CCDC136: variants seen among roughly 807,000 people sequenced by gnomAD.
The protein encoded by CCDC136 is coiled-coil domain containing 136.
CCDC136 carries 100 observed loss-of-function variants against 141.2 expected under a neutral mutation model. The observed-to-expected ratio is 0.71, with a 90% CI of 0.60 to 0.84. The LOEUF (loss-of-function observed/expected upper bound fraction) is 0.84, where lower values mean the gene tolerates loss of function less well. CCDC136 is among the 40% of genes least tolerant of loss of function. CCDC136 has a pLI of 0.00. For synonymous variants in CCDC136, 474 were observed against 531.9 expected (o/e 0.89, Z 1.50); for missense variants, 1,206 against 1,379.4 (o/e 0.87, Z 1.99).
intron 1 of CCDC136, 86 bp downstream of exon 1, chr7:128,792,513 A>G: frequency 9.6e-7 from 1 of 1,046,094 alleles, no homozygotes; most frequent in South Asian, 1.5e-5. Flanking sequence ...CAGGCCTCTG[A>G]GCCAGGACAC....
intron 3 of CCDC136, among the ~76,000 whole-genome samples, chr7:128,796,151 T>C (rs1802912488): frequency 6.6e-6 from 1 of 152,132 alleles, no homozygotes; most frequent in Non-Finnish European, 1.5e-5. Context: ...AATTATTGTA[T>C]TTTTAGTAGA....
At position 128,794,487 on chromosome 7, in the gene CCDC136, C is replaced by T; in HGVS notation, c.156C>T (p.Ser52=). The T allele has an allele frequency of 6.4e-7, 1 of 1,552,246 alleles. No individual in the cohort carries two copies. Among genetic ancestry groups the T allele is most frequent in the Non-Finnish European group, 8.7e-7 (1 of 1,147,248 alleles). Residue 52 remains serine, a synonymous_variant, in exon 2 of 18, where the codon AGC becomes AGT. Coordinates refer to ENST00000297788, the MANE Select transcript of CCDC136 (RefSeq NM_022742.5). This position sits in a 1 kb window ranked among gnomAD's most constrained non-coding sequence, Gnocchi z 4.3. ...CAGTCAACAAGCACCGGGGACTGAGCCTCACGGAGACAGAGCTGGAGGAGC... is the reference window on the plus strand; with the variant it reads ...CAGTCAACAAGCACCGGGGACTGAGTCTCACGGAGACAGAGCTGGAGGAGC... ...SLSVNKHRGL[S]LTETELEELR...
At chr7:128,806,493 C>T (rs1804855702) in intron 8 of CCDC136, 98 bp downstream of exon 8, 1 of 1,240,102 alleles carries the variant, frequency 8.1e-7, no homozygotes. Flanking sequence ...AAAAATAATT[C>T]CAGCAACCAC....
In CCDC136 at chr7:128,821,653, A is replaced by G; in HGVS notation, c.*6-146A>G. On this transcript the variant is annotated intron_variant, in intron 17 of 17. Transcript: ENST00000297788. The surrounding 1 kb of genome is among the most constrained non-coding windows in gnomAD (Gnocchi z 5.1). Reference sequence around the variant, plus strand: ...CTAGTGGTGCCAGGACTGAGAGATCACTTACCTCCACCGGTTACCCAGGAG... The same window carrying G: ...CTAGTGGTGCCAGGACTGAGAGATCGCTTACCTCCACCGGTTACCCAGGAG... 1 of 486,642 alleles carries G rather than the reference A, an allele frequency of 2.1e-6. No individual in the cohort carries two copies. 30.1% of individuals were successfully genotyped at this position (486,642 alleles called of 1,614,324 possible).
chr7:128,809,436 GCCCCCA>G lies in CCDC136; in HGVS notation c.1606-10_1606-5del. On this transcript the variant is annotated splice_region_variant and splice_polypyrimidine_tract_variant and intron_variant, in intron 10 of 17. Transcript: ENST00000297788. ...CAGAGTAACCACCCCCTCCACACCC[GCCCCCA>G]CCCACAGTGTGACACACTGCTGTCC... is the stretch of plus-strand genomic sequence containing the variant. 3.4e-6 allele frequency: 2 copies of G among 595,324 alleles called. No homozygotes were observed. The highest frequency in any genetic ancestry group is 5.0e-6 in the Non-Finnish European group (2 of 398,670). The allele number at this position is 595,324 out of a possible 1,614,324, so 36.9% of individuals were successfully genotyped here. A position where few individuals can be genotyped will look rare whatever the true frequency, so the allele number is the denominator to read the frequency against.
chr7:128,811,530 A>T (rs892887367), intron 12 of CCDC136, among the ~76,000 whole-genome samples: 47 of 152,208 alleles, frequency 3.1e-4, no homozygotes, highest in African/African-American at 1.1e-3. Context: ...TGCTCCAAGG[A>T]GACAGGGATG....
intron 13 of CCDC136, 59 bp downstream of exon 13, chr7:128,812,371 G>A (rs1805878505): frequency 6.6e-7 from 1 of 1,525,686 alleles, no homozygotes; most frequent in Non-Finnish European, 8.8e-7. Flanking sequence ...CTTTTTAAGA[G>A]ATACATCGCC....
chr7:128,799,490 A>G (rs1039805154), intron 3 of CCDC136, among the ~76,000 whole-genome samples: 1 of 151,854 alleles, frequency 6.6e-6, no homozygotes, highest in Non-Finnish European at 1.5e-5. Flanking sequence ...TTCAGGCACA[A>G]TACTAGATCC....
rs1328329976 is a variant in CCDC136, at chr7:128,817,652, C to T, written c.3364-106C>T. On this transcript the variant is annotated intron_variant, in intron 16 of 17. Coordinates refer to ENST00000297788, the MANE Select transcript of CCDC136 (RefSeq NM_022742.5). This position sits in a 1 kb window ranked among gnomAD's most constrained non-coding sequence, Gnocchi z 4.6. ...TTTTTTAACCTCTTGATTCCTTTCT[C>T]TTTTCCCTTTGTTTTCTCATCTTCA... 2.3e-6 allele frequency: 2 copies of T among 885,014 alleles called. No homozygotes were observed. Among genetic ancestry groups the T allele is most frequent in the Non-Finnish European group, 3.9e-6 (2 of 515,694 alleles). 54.8% of individuals were successfully genotyped at this position (885,014 alleles called of 1,614,324 possible).
chr7:128,809,432 A>ACC lies in CCDC136; in HGVS notation c.1606-16_1606-15dup. ...CTTACAGAGTAACCACCCCCTCCAC[A>ACC]CCCGCCCCCACCCACAGTGTGACAC... On this transcript the variant is annotated splice_polypyrimidine_tract_variant and intron_variant, in intron 10 of 17. Transcript: ENST00000297788. 5.6e-5 allele frequency: 70 copies of ACC among 1,253,028 alleles called. No homozygotes were observed. Among genetic ancestry groups the ACC allele is most frequent in the Non-Finnish European group, 6.8e-5 (61 of 898,088 alleles). The allele number at this position is 1,253,028 out of a possible 1,614,324, so 77.6% of individuals were successfully genotyped here.
At position 128,817,888 on chromosome 7, in the gene CCDC136, T is replaced by C. The variant is rs529902300; in HGVS notation, c.*5+24T>C. ...AGGTACTGGTATTGCTTCCTCTCCT[T>C]CTGAGGGATAGAGGGAGGGTGCAGG... On this transcript the variant is annotated intron_variant, in intron 17 of 17. Coordinates refer to ENST00000297788, the MANE Select transcript of CCDC136 (RefSeq NM_022742.5). The surrounding 1 kb of genome is among the most constrained non-coding windows in gnomAD (Gnocchi z 4.6). The C allele has an allele frequency of 3.8e-6, 6 of 1,571,430 alleles. No individual in the cohort carries two copies. The highest frequency in any genetic ancestry group is 1.4e-5 in the African/African-American group (1 of 74,070).
intron 17 of CCDC136, among the ~76,000 whole-genome samples, chr7:128,819,375 T>C (rs190540700): frequency 1.5e-4 from 23 of 152,336 alleles, no homozygotes; most frequent in Admixed American, 1.5e-3. Flanking sequence ...TGAGTCTGTC[T>C]CTACTGACAG....
In CCDC136 at chr7:128,809,650, T is replaced by C; in HGVS notation, c.1800+6T>C. The C allele has an allele frequency of 6.6e-7, 1 of 1,504,818 alleles. No individual in the cohort carries two copies. The highest frequency in any genetic ancestry group is 2.4e-4 in the Middle Eastern group (1 of 4,178). The allele number at this position is 1,504,818 out of a possible 1,614,324, so 93.2% of individuals were successfully genotyped here. On this transcript the variant is annotated splice_donor_region_variant and intron_variant, in intron 11 of 17. Transcript: ENST00000297788. Reference sequence around the variant, plus strand: ...AGAGTGGCCTCTTACTCAAGGTAACTCTGCCACAGGCAGCTGCTAACTGCG... The same window carrying C: ...AGAGTGGCCTCTTACTCAAGGTAACCCTGCCACAGGCAGCTGCTAACTGCG...
intron 3 of CCDC136, 102 bp from the exon 4 acceptor site, chr7:128,801,084 C>T (rs1376076272): frequency 2.5e-6 from 2 of 803,084 alleles, no homozygotes; most frequent in East Asian, 5.3e-5. Context: ...GTTTTCAGGA[C>T]TTTGCAGACA....
chr7:128,812,986 C>T, intron 14 of CCDC136, 57 bp downstream of exon 14: 1 of 1,179,628 alleles, frequency 8.5e-7, no homozygotes, highest in Non-Finnish European at 1.2e-6. Flanking sequence ...CCATAGAGGT[C>T]ATGGCCACTT....
At chr7:128,792,895 C>T (rs1238221297) in intron 1 of CCDC136, among the ~76,000 whole-genome samples, 1 of 152,174 alleles carries the variant, frequency 6.6e-6, no homozygotes, top group Non-Finnish European at 1.5e-5. Flanking sequence ...AAGAGAGAGC[C>T]TAGGAGGGGG....
At chr7:128,799,341 C>A in intron 3 of CCDC136, among the ~76,000 whole-genome samples, 1 of 151,870 alleles carries the variant, frequency 6.6e-6, no homozygotes, top group East Asian at 1.9e-4. Context: ...AAGACTGTCT[C>A]AAAAACAGAA....
chr7:128,794,026 G>A lies in CCDC136; in HGVS notation c.17-322G>A, dbSNP rs1364660351. On this transcript the variant is annotated intron_variant, in intron 1 of 17. Transcript: ENST00000297788. The surrounding 1 kb of genome is among the most constrained non-coding windows in gnomAD (Gnocchi z 4.3). ...TTGACTACTTGTCCTGCTACTCAGA[G>A]GCCAGCCTAGAAGAAGCAGGTAATC... Among the ~76,000 whole-genome samples, 1 of 152,228 alleles carries A rather than the reference G, an allele frequency of 6.6e-6. No homozygotes were observed. The highest frequency in any genetic ancestry group is 1.5e-5 in the Non-Finnish European group (1 of 68,044).
rs1554377202 is a variant in CCDC136, at chr7:128,796,739, A to ATTTTT, written c.346+1973_346+1974insTTTTT. Among the ~76,000 whole-genome samples, 94 of 113,372 alleles carry ATTTTT rather than the reference A, an allele frequency of 8.3e-4. 3 individuals carry two copies. Among genetic ancestry groups the ATTTTT allele is most frequent in the African/African-American group, 4.0e-3 (87 of 21,802 alleles). The allele number at this position is 113,372 out of a possible 152,430, so 74.4% of individuals were successfully genotyped here. A position where few individuals can be genotyped will look rare whatever the true frequency, so the allele number is the denominator to read the frequency against. On this transcript the variant is annotated intron_variant, in intron 3 of 17. Coordinates refer to ENST00000297788, the MANE Select transcript of CCDC136 (RefSeq NM_022742.5). ...TGATTCAGAATATATATATATATAT[A>ATTTTT]TTCTTTTTTTTTTTTTTTTTGAGAC...
Sources: allele counts gnomAD v4.1 joint callset (sites outside exome capture counted in the v4.1 genomes callset), GRCh38; gene constraint gnomAD v4.1.1; non-coding constraint Gnocchi (gnomAD v3.1); transcripts MANE v1.5; gene names NCBI Gene and HGNC (gene_info 2026-07-23, HGNC 2026-07-21).